The following FGF13 variants were observed in gnomAD, a reference collection of about 807,000 sequenced individuals.
FGF13 encodes fibroblast growth factor homologous factor 2.
A neutral mutation model predicts 19.5 loss-of-function variants in FGF13; 2 were observed. The ratio of observed to expected loss-of-function variants is 0.10; its 90% CI spans 0.04 to 0.32. FGF13 has a LOEUF of 0.32. Among genes scored for constraint, FGF13 ranks in the 10% least tolerant of loss-of-function variants. The probability of loss-of-function intolerance (pLI) is 1.00; values close to 1 mark genes in which losing one functional copy is unlikely to be tolerated. For synonymous variants in FGF13, 72 were observed against 76.9 expected (o/e 0.94, Z 0.33); for missense variants, 113 against 192.7 (o/e 0.59, Z 2.45).
At chrX:138,737,295 C>T (rs1027729315) in intron 1 of FGF13, among the ~76,000 whole-genome samples, 11 of 111,884 alleles carry the variant, frequency 9.8e-5, no homozygotes, top group African/African-American at 3.6e-4. Flanking sequence ...AGAGATAAAC[C>T]ATGTGACCTT....
At chrX:138,719,216 C>T (rs1418549479) in intron 1 of FGF13, among the ~76,000 whole-genome samples, 5 of 111,590 alleles carry the variant, frequency 4.5e-5, no homozygotes, top group African/African-American at 9.8e-5. Flanking sequence ...GGGGACTGAA[C>T]GAGATGAAAT....
intron 3 of FGF13, among the ~76,000 whole-genome samples, chrX:138,644,103 A>G (rs1425637728): frequency 9.0e-6 from 1 of 111,556 alleles, no homozygotes; most frequent in Non-Finnish European, 1.9e-5. Flanking sequence ...CAAGCACTTG[A>G]CTAAAAATTC....
intron 3 of FGF13, among the ~76,000 whole-genome samples, chrX:138,776,079 G>A (rs868111414): frequency 2.7e-5 from 3 of 112,116 alleles, no homozygotes; most frequent in Non-Finnish European, 3.8e-5. Context: ...AAGCTTCCCA[G>A]GGAAATAGAT....
At chrX:138,798,258 G>C (rs1166543809) in intron 3 of FGF13, among the ~76,000 whole-genome samples, 2 of 111,361 alleles carry the variant, frequency 1.8e-5, no homozygotes, top group African/African-American at 6.5e-5. Flanking sequence ...TTTTTTTAGA[G>C]TTTTAGCATG....
intron 3 of FGF13, among the ~76,000 whole-genome samples, chrX:138,775,281 T>C (rs2090579662): frequency 8.9e-6 from 1 of 112,410 alleles, no homozygotes; most frequent in South Asian, 3.7e-4. Flanking sequence ...TTGAATGATT[T>C]ATTAATTTGC....
At chrX:138,781,670 C>T (rs1374704118) in intron 3 of FGF13, among the ~76,000 whole-genome samples, 1 of 111,685 alleles carries the variant, frequency 9.0e-6, no homozygotes. Flanking sequence ...TAATCAATAG[C>T]TTACCAACCA....
At chrX:138,912,757 G>A (rs1254686011) in intron 1 of FGF13, among the ~76,000 whole-genome samples, 1 of 111,554 alleles carries the variant, frequency 9.0e-6, no homozygotes. Flanking sequence ...TGTAGGATTC[G>A]AACTCTCACT....
intron 3 of FGF13, among the ~76,000 whole-genome samples, chrX:138,792,058 G>T (rs976230257): frequency 1.8e-5 from 2 of 111,653 alleles, no homozygotes; most frequent in African/African-American, 6.5e-5. Flanking sequence ...GCTGAGTAGT[G>T]TTGCTAGCTT....
intron 1 of FGF13, among the ~76,000 whole-genome samples, chrX:138,872,915 G>A (rs1370341092): frequency 9.0e-6 from 1 of 111,581 alleles, no homozygotes; most frequent in Admixed American, 9.5e-5. Flanking sequence ...GGAAGAGGGG[G>A]ACAAGGGTCT....
chrX:139,163,659 C>T (rs185856505), intron 1 of FGF13, among the ~76,000 whole-genome samples: 42 of 111,485 alleles, frequency 3.8e-4, no homozygotes, highest in African/African-American at 1.2e-3. Context: ...TCTACTTTTA[C>T]TCCTTTCAGG....
intron 3 of FGF13, among the ~76,000 whole-genome samples, chrX:138,848,354 G>A (rs916647563): frequency 1.8e-5 from 2 of 111,096 alleles, no homozygotes; most frequent in African/African-American, 6.5e-5. Context: ...TGGATTGACA[G>A]CTGACATCAC....
intron 3 of FGF13, among the ~76,000 whole-genome samples, chrX:138,790,415 A>G (rs1221077095): frequency 9.0e-6 from 1 of 110,791 alleles, no homozygotes; most frequent in Non-Finnish European, 1.9e-5. Context: ...CATCCATGGC[A>G]CTGGAGCAAA....
At chrX:138,664,565 G>C (rs1373001548) in intron 3 of FGF13, among the ~76,000 whole-genome samples, 3 of 110,231 alleles carry the variant, frequency 2.7e-5, no homozygotes, top group Non-Finnish European at 5.7e-5. Flanking sequence ...GTGTGAGAGA[G>C]AGAGAGAGAG....
chrX:138,795,577 T>C (rs1420464466), intron 3 of FGF13, among the ~76,000 whole-genome samples: 1 of 111,976 alleles, frequency 8.9e-6, no homozygotes, highest in Non-Finnish European at 1.9e-5. Flanking sequence ...ATGGCCAACA[T>C]AGATGTTTCA....
At chrX:139,151,470 A>T (rs1460052349) in intron 1 of FGF13, among the ~76,000 whole-genome samples, 2 of 112,393 alleles carry the variant, frequency 1.8e-5, no homozygotes, top group Admixed American at 1.9e-4. Flanking sequence ...TCAAATATAA[A>T]GAAAAACTGT....
intron 1 of FGF13, among the ~76,000 whole-genome samples, chrX:139,136,361 C>T (rs1487486382): frequency 5.0e-5 from 5 of 100,896 alleles, no homozygotes; most frequent in East Asian, 3.2e-4. Context: ...CCACCCTCCC[C>T]GTTCTGAGTC....
chrX:138,747,078 C>T (rs771514338), intron 3 of FGF13, among the ~76,000 whole-genome samples: 1 of 111,561 alleles, frequency 9.0e-6, no homozygotes, highest in South Asian at 3.8e-4. Flanking sequence ...TGTGTGCCCA[C>T]CAATTCTCAT....
At chrX:139,053,170 C>T (rs1417912125) in intron 1 of FGF13, among the ~76,000 whole-genome samples, 2 of 111,450 alleles carry the variant, frequency 1.8e-5, no homozygotes, top group African/African-American at 3.3e-5. Flanking sequence ...CTGCAAATGC[C>T]GTTAATTCAT....
At chrX:139,048,613 G>T (rs1160302747) in intron 1 of FGF13, among the ~76,000 whole-genome samples, 1 of 103,169 alleles carries the variant, frequency 9.7e-6, no homozygotes, top group Non-Finnish European at 2.0e-5. Context: ...ATCTCACATA[G>T]ATTGTATTGT....
Sources: gnomAD v4.1 joint callset for allele counts (sites outside exome capture counted in the v4.1 genomes callset) on GRCh38, gnomAD v4.1.1 for gene constraint, MANE v1.5 for transcripts, NCBI Gene and HGNC (gene_info 2026-07-23, HGNC 2026-07-21) for gene names.